The following DLG5 variants were observed in gnomAD, a reference collection of about 807,000 sequenced individuals.
DLG5 encodes discs large MAGUK scaffold protein 5.
In DLG5, 48 loss-of-function variants were observed where a neutral mutation model predicts 189.8. The observed-to-expected ratio is 0.25, with a 90% CI of 0.20 to 0.32. The LOEUF is 0.32. Among genes scored for constraint, DLG5 ranks in the 10% least tolerant of loss-of-function variants. The pLI, the probability that DLG5 is intolerant of heterozygous loss-of-function variation, is 1.00. For synonymous variants in DLG5, 1,016 were observed against 1,054.1 expected (o/e 0.96, Z 0.70); for missense variants, 2,160 against 2,544.7 (o/e 0.85, Z 3.25).
At chr10:77,825,041 T>C (rs1003466614) in intron 13 of DLG5, among the ~76,000 whole-genome samples, 5 of 152,128 alleles carry the variant, frequency 3.3e-5, no homozygotes, top group African/African-American at 1.2e-4. Flanking sequence ...CAAACTGTGA[T>C]ACACCCACAT....
intron 27 of DLG5, among the ~76,000 whole-genome samples, chr10:77,804,247 C>T (rs188816748): frequency 1.1e-4 from 17 of 152,276 alleles, no homozygotes; most frequent in Non-Finnish European, 1.6e-4. Context: ...GAAGGCAAAA[C>T]GGCAAAATTA....
intron 1 of DLG5, among the ~76,000 whole-genome samples, chr10:77,885,719 A>G (rs868482352): frequency 7.2e-5 from 11 of 152,206 alleles, no homozygotes; most frequent in African/African-American, 2.7e-4. Context: ...AAGTGTGAAG[A>G]GTAAGAGTTG....
intron 1 of DLG5, among the ~76,000 whole-genome samples, chr10:77,897,947 C>G (rs7099526): frequency 0.24 from 37,200 of 152,088 alleles, 5,129 homozygotes; most frequent in Non-Finnish European, 0.31. Flanking sequence ...GGTTCTATCT[C>G]CTTTCCCATA....
At position 77,809,554 on chromosome 10, in the gene DLG5, A is replaced by T; in HGVS notation, c.4640T>A (p.Ile1547Asn). ...GPDGLVPGDL[I>N]LEYGSLDVRN... is the part of the protein sequence containing the mutation. ...CAGCAGCTCAGAACTCACCTCCAGG[A>T]TGAGGTCCCCTGGCACGAGGCCGTC... Residue 1547 changes from isoleucine to asparagine, a missense_variant, in exon 24 of 32, where the codon ATC (isoleucine) becomes AAC (asparagine). Physicochemically the swap from Ile to Asn is moderately radical, Grantham distance 149 (BLOSUM62 -3). This residue lies in a region of DLG5 where 574 missense variants were observed against 644.2 expected (regional missense o/e 0.89). Coordinates refer to ENST00000372391, the MANE Select transcript of DLG5 (RefSeq NM_004747.4). The T allele has an allele frequency of 6.2e-7, 1 of 1,612,624 alleles. No individual in the cohort carries two copies. Among genetic ancestry groups the T allele is most frequent in the Non-Finnish European group, 8.5e-7 (1 of 1,179,252 alleles).
Position 77,926,136 on chromosome 10 carries a change from C to T in DLG5, c.304+81G>A. ...GGCCATCGCCAGGTGGAGCGGCGGCCCCGGCGAGGTACCCTCGGCCAGCAG... is the reference window on the plus strand; with the variant it reads ...GGCCATCGCCAGGTGGAGCGGCGGCTCCGGCGAGGTACCCTCGGCCAGCAG... On this transcript the variant is annotated intron_variant, in intron 1 of 31. Transcript: ENST00000372391. The surrounding 1 kb of genome is among the most constrained non-coding windows in gnomAD (Gnocchi z 5.2). 7.8e-7 allele frequency: 1 copy of T among 1,275,852 alleles called. No homozygotes were observed. Among genetic ancestry groups the T allele is most frequent in the Non-Finnish European group, 1.0e-6 (1 of 999,608 alleles). 79.0% of individuals were successfully genotyped at this position (1,275,852 alleles called of 1,614,324 possible).
intron 27 of DLG5, among the ~76,000 whole-genome samples, chr10:77,800,021 C>T (rs180978823): frequency 7.3e-4 from 111 of 152,284 alleles, no homozygotes; most frequent in Admixed American, 3.8e-3. Flanking sequence ...AGCATAAAGA[C>T]ATGCAGTGTC....
At chr10:77,814,233 C>T (rs945470486) in intron 20 of DLG5, among the ~76,000 whole-genome samples, 1 of 152,016 alleles carries the variant, frequency 6.6e-6, no homozygotes, top group Non-Finnish European at 1.5e-5. Context: ...CCGTCTCAGC[C>T]ACCCAAAGTG....
chr10:77,835,969 T>G (rs754428264), intron 7 of DLG5, 47 bp from the exon 8 acceptor site: 3 of 1,578,222 alleles, frequency 1.9e-6, no homozygotes, highest in Non-Finnish European at 2.6e-6. Flanking sequence ...CTGAGCCTCA[T>G]GGACCAGGAG....
At chr10:77,890,194 G>C (rs1845564875) in intron 1 of DLG5, among the ~76,000 whole-genome samples, 1 of 152,224 alleles carries the variant, frequency 6.6e-6, no homozygotes. Flanking sequence ...TTACCAATGA[G>C]AACGGCAAGC....
At chr10:77,823,692 G>A (rs569952348) in intron 14 of DLG5, among the ~76,000 whole-genome samples, 2 of 152,100 alleles carry the variant, frequency 1.3e-5, no homozygotes, top group South Asian at 2.1e-4. Flanking sequence ...CATCACATCC[G>A]GCTATTTTTG....
In DLG5 at chr10:77,830,237, G is replaced by A. The variant is rs1181253641; in HGVS notation, c.1989C>T (p.Ser663=). 6.2e-6 allele frequency: 10 copies of A among 1,614,014 alleles called. No individual in the cohort carries two copies. The highest frequency in any genetic ancestry group is 8.5e-6 in the Non-Finnish European group (10 of 1,180,044). Residue 663 remains serine, a synonymous_variant, in exon 11 of 32, where the codon AGC becomes AGT. Coordinates refer to ENST00000372391, the MANE Select transcript of DLG5 (RefSeq NM_004747.4). ...GIFVTKVDKG[S]IADGRLRVND... is the part of the protein sequence containing the mutation. ...CTTACCTTAAGCGGCCATCAGCAAT[G>A]CTTCCTTTGTCCACTTTAGTGACAA... is the stretch of plus-strand genomic sequence containing the variant.
At chr10:77,927,776 C>T (rs1235771593), upstream of DLG5, 1 of 152,262 alleles carries the variant, frequency 6.6e-6, no homozygotes, top group African/African-American at 2.4e-5. Context: ...AATGTCTTCT[C>T]TTCCACGACA....
At chr10:77,924,207 C>T (rs1024587271) in intron 1 of DLG5, among the ~76,000 whole-genome samples, 1 of 152,202 alleles carries the variant, frequency 6.6e-6, no homozygotes, top group Non-Finnish European at 1.5e-5. Flanking sequence ...TTAACTTCTC[C>T]TTGAAAAGTA....
At chr10:77,865,772 T>C (rs973872089) in intron 2 of DLG5, among the ~76,000 whole-genome samples, 2 of 152,112 alleles carry the variant, frequency 1.3e-5, no homozygotes, top group Admixed American at 6.5e-5. Flanking sequence ...GCTTAGCTGA[T>C]GAAAACTGCC....
Position 77,816,538 on chromosome 10 carries a change from C to G in DLG5, c.4025+13G>C. 6.2e-7 allele frequency: 1 copy of G among 1,613,990 alleles called. No homozygotes were observed. On this transcript the variant is annotated intron_variant, in intron 20 of 31. Transcript: ENST00000372391. ...CTGGTTTACCCACTCCACCGATGAC[C>G]GGCCATGCTCACCTGTCCTTTCTCC... is the stretch of plus-strand genomic sequence containing the variant.
intron 1 of DLG5, among the ~76,000 whole-genome samples, chr10:77,914,976 T>A (rs544778759): frequency 2.0e-5 from 3 of 152,160 alleles, no homozygotes; most frequent in Non-Finnish European, 2.9e-5. Flanking sequence ...CACACATCTA[T>A]AAAATAATGA....
At chr10:77,870,291 T>C (rs1364511476) in intron 1 of DLG5, among the ~76,000 whole-genome samples, 1 of 152,176 alleles carries the variant, frequency 6.6e-6, no homozygotes, top group East Asian at 1.9e-4. Context: ...ATTTTTGCAA[T>C]AAGGGCTTTG....
intron 7 of DLG5, among the ~76,000 whole-genome samples, chr10:77,839,054 C>T (rs761983898): frequency 6.6e-6 from 1 of 152,222 alleles, no homozygotes; most frequent in Admixed American, 6.5e-5. Context: ...CTGAATGGCT[C>T]GCCTGAGTGC....
intron 8 of DLG5, among the ~76,000 whole-genome samples, chr10:77,835,226 C>T (rs774464162): frequency 7.9e-5 from 12 of 152,090 alleles, no homozygotes; most frequent in African/African-American, 2.7e-4. Context: ...AGTTCTAGTG[C>T]GAATGCCACA....
Sources: gnomAD v4.1 joint callset for allele counts (sites outside exome capture counted in the v4.1 genomes callset) on GRCh38, gnomAD v4.1.1 for gene constraint, gnomAD v4.1.1 regional missense constraint, Gnocchi (gnomAD v3.1) non-coding constraint, MANE v1.5 for transcripts, NCBI Gene and HGNC (gene_info 2026-07-23, HGNC 2026-07-21) for gene names.